RGS6: variants seen among roughly 807,000 people sequenced by gnomAD.
RGS6 encodes regulator of G-protein signaling 6.
In RGS6, 30 loss-of-function variants were observed where a neutral mutation model predicts 78.5. The ratio of observed to expected loss-of-function variants is 0.38; its 90% CI spans 0.29 to 0.52. RGS6 has a LOEUF of 0.52. RGS6 is among the 20% of genes least tolerant of loss of function. The pLI is 0.85. For synonymous variants in RGS6, 206 were observed against 206.0 expected (o/e 1.00, Z 0.00); for missense variants, 495 against 609.7 (o/e 0.81, Z 1.98).
At chr14:72,402,229 G>A (rs747250577) in intron 3 of RGS6, among the ~76,000 whole-genome samples, 37 of 152,228 alleles carry the variant, frequency 2.4e-4, no homozygotes, top group Non-Finnish European at 7.3e-5. Flanking sequence ...GTACAGAAAG[G>A]TAGTGTTTCT....
Position 72,078,405 on chromosome 14 carries a change from T to G in RGS6, c.84+113530T>G, listed in dbSNP as rs1472884181. The stretch of plus-strand genomic sequence containing the variant: ...GTCTCAGGTATTTCTTTTCTTTTAT[T>G]CTTTTCTTTCTTTCTTTTTTTTTTA... On this transcript the variant is annotated intron_variant, in intron 2 of 17. Transcript: ENST00000553525. 1.2e-4 allele frequency among the ~76,000 whole-genome samples: 18 copies of G among 151,880 alleles called. 1 individual carries two copies. Among genetic ancestry groups the G allele is most frequent in the Admixed American group, 1.2e-3 (18 of 15,232 alleles).
chr14:72,009,624 A>T (rs898300371), intron 2 of RGS6, among the ~76,000 whole-genome samples: 1 of 152,202 alleles, frequency 6.6e-6, no homozygotes, highest in African/African-American at 2.4e-5. Flanking sequence ...CCATCACTGA[A>T]TCTGGGGGTG....
At chr14:72,319,876 C>A (rs2071415723) in intron 2 of RGS6, among the ~76,000 whole-genome samples, 1 of 152,070 alleles carries the variant, frequency 6.6e-6, no homozygotes, top group Non-Finnish European at 1.5e-5. Context: ...ACAAATGAAA[C>A]ATAAACAAAG....
At chr14:72,191,196 A>G (rs2097319906) in intron 2 of RGS6, among the ~76,000 whole-genome samples, 1 of 152,240 alleles carries the variant, frequency 6.6e-6, no homozygotes, top group East Asian at 1.9e-4. Flanking sequence ...GCAAAATTTA[A>G]GGGAATGTCA....
At chr14:72,130,882 G>C (rs570547856) in intron 2 of RGS6, among the ~76,000 whole-genome samples, 2 of 151,610 alleles carry the variant, frequency 1.3e-5, no homozygotes, top group Non-Finnish European at 1.5e-5. Flanking sequence ...ATGTGTGTTG[G>C]GGGGATAGGA....
chr14:72,206,573 C>G (rs116312811), intron 2 of RGS6, among the ~76,000 whole-genome samples: 1,662 of 152,164 alleles, frequency 0.011, 25 homozygotes, highest in African/African-American at 0.038. Flanking sequence ...AGTTCCACAT[C>G]GCTGGGGAGG....
In RGS6 at chr14:72,033,458, C is replaced by T. The variant is rs898838357; in HGVS notation, c.84+68583C>T. 3.3e-5 allele frequency among the ~76,000 whole-genome samples: 5 copies of T among 152,046 alleles called. No individual in the cohort carries two copies. The East Asian group carries it at 9.7e-4, about 29-fold the overall frequency. On this transcript the variant is annotated intron_variant, in intron 2 of 17. Coordinates refer to ENST00000553525, the MANE Select transcript of RGS6 (RefSeq NM_001204424.2). Reference sequence around the variant, plus strand: ...CTATGTTGCCCCAGCTGGTCTGGAACTCCTGGGCTCAAGTGGTCCTCTTGC... The same window carrying T: ...CTATGTTGCCCCAGCTGGTCTGGAATTCCTGGGCTCAAGTGGTCCTCTTGC...
At chr14:72,250,653 C>T (rs1171453648) in intron 2 of RGS6, among the ~76,000 whole-genome samples, 2 of 152,032 alleles carry the variant, frequency 1.3e-5, no homozygotes, top group African/African-American at 4.8e-5. Flanking sequence ...AAGAAAAAGC[C>T]CATGTCTGAG....
At chr14:71,959,317 G>A (rs757750949) in intron 1 of RGS6, among the ~76,000 whole-genome samples, 3 of 149,882 alleles carry the variant, frequency 2.0e-5, no homozygotes, top group South Asian at 2.1e-4. Flanking sequence ...AGTGCTTAAC[G>A]TTGCTGATGT....
At chr14:72,331,215 C>A (rs1595888455) in intron 2 of RGS6, among the ~76,000 whole-genome samples, 1 of 146,608 alleles carries the variant, frequency 6.8e-6, no homozygotes, top group South Asian at 2.2e-4. Flanking sequence ...TGTCGTAAAT[C>A]ATCATCACCG....
chr14:72,257,511 G>A (rs2057318813), intron 2 of RGS6, among the ~76,000 whole-genome samples: 1 of 152,244 alleles, frequency 6.6e-6, no homozygotes, highest in Admixed American at 6.5e-5. Context: ...AGGTGGGAGA[G>A]AAGTGAGGGT....
chr14:72,414,170 A>G (rs551617333), intron 3 of RGS6, among the ~76,000 whole-genome samples: 239 of 152,320 alleles, frequency 1.6e-3, no homozygotes, highest in Middle Eastern at 3.4e-3. Flanking sequence ...GTGTTTTCCA[A>G]CTTGGTTCCA....
At chr14:72,051,749 A>G (rs184246704) in intron 2 of RGS6, among the ~76,000 whole-genome samples, 323 of 152,330 alleles carry the variant, frequency 2.1e-3, no homozygotes, top group African/African-American at 7.5e-3. Context: ...TATTATCAGG[A>G]GTTACAGCCA....
intron 2 of RGS6, among the ~76,000 whole-genome samples, chr14:72,239,646 A>G (rs1303614596): frequency 6.6e-6 from 1 of 152,156 alleles, no homozygotes; most frequent in Non-Finnish European, 1.5e-5. Flanking sequence ...CTGCTTCTTG[A>G]GGACAGAGTC....
At chr14:72,547,043 G>A (rs2097416852) in intron 17 of RGS6, 1 of 818,508 alleles carries the variant, frequency 1.2e-6, no homozygotes, top group African/African-American at 1.7e-5. Context: ...GAACTGTGTG[G>A]GCTCCCACCT....
At chr14:72,597,780 C>G in the RGS6 span, among the ~76,000 whole-genome samples, 4 of 152,088 alleles carry the variant, frequency 2.6e-5, no homozygotes, top group African/African-American at 9.7e-5. Context: ...ACTTGGGTGC[C>G]GTGGGACATT....
At chr14:72,148,997 A>T (rs995489895) in intron 2 of RGS6, among the ~76,000 whole-genome samples, 5 of 152,196 alleles carry the variant, frequency 3.3e-5, no homozygotes, top group African/African-American at 9.7e-5. Flanking sequence ...GGCTTGGTGG[A>T]TAGCTTATCT....
At chr14:72,134,138 C>T (rs779315723) in intron 2 of RGS6, among the ~76,000 whole-genome samples, 22 of 152,176 alleles carry the variant, frequency 1.4e-4, no homozygotes, top group Non-Finnish European at 2.4e-4. Context: ...TCAACCCCCT[C>T]GAGTTTAACC....
chr14:72,105,875 T>TA (rs2095622835), intron 2 of RGS6, among the ~76,000 whole-genome samples: 1 of 152,212 alleles, frequency 6.6e-6, no homozygotes, highest in African/African-American at 2.4e-5. Context: ...TGTAGAGAGA[T>TA]ACCCAGGTGT....
Sources: allele counts gnomAD v4.1 joint callset (sites outside exome capture counted in the v4.1 genomes callset), GRCh38; gene constraint gnomAD v4.1.1; transcripts MANE v1.5; gene names NCBI Gene and HGNC (gene_info 2026-07-23, HGNC 2026-07-21).